FDFT1: variants seen among roughly 807,000 people sequenced by gnomAD.
FDFT1 encodes farnesyl-diphosphate farnesyltransferase 1.
Under a neutral mutation model 46.8 loss-of-function variants are expected in FDFT1, and 68 were observed. The observed-to-expected ratio is 1.45, with a 90% CI of 1.19 to 1.78. The LOEUF (loss-of-function observed/expected upper bound fraction) is 1.78, where lower values mean the gene tolerates loss of function less well. Among genes scored for constraint, FDFT1 ranks in the 40% most tolerant of loss-of-function variants. The pLI, the probability that FDFT1 is intolerant of heterozygous loss-of-function variation, is 0.00. For synonymous variants in FDFT1, 351 were observed against 185.1 expected, an observed-to-expected ratio of 1.90 and a Z score of -7.28; for missense variants, 928 against 524.4, an observed-to-expected ratio of 1.77 and a Z score of -7.52.
chr8:11,825,702 A>G (rs989344690), intron 4 of FDFT1, among the ~76,000 whole-genome samples: 2 of 151,930 alleles, frequency 1.3e-5, no homozygotes, highest in East Asian at 3.8e-4. Flanking sequence ...AAAAATAAAA[A>G]ATAAAAATAA....
chr8:11,809,863 A>G lies in FDFT1; in HGVS notation c.381+13A>G, dbSNP rs754826172. ...GGACTTCCCAACGGTGAGTGGGGTTACGCATCTTGTCTACGGACTGTTGTG... is the reference window on the plus strand; with the variant it reads ...GGACTTCCCAACGGTGAGTGGGGTTGCGCATCTTGTCTACGGACTGTTGTG... On this transcript the variant is annotated intron_variant, in intron 3 of 7. Transcript: ENST00000220584. 7.5e-6 allele frequency: 12 copies of G among 1,603,242 alleles called. No homozygotes were observed. Among genetic ancestry groups the G allele is most frequent in the Admixed American group, 1.7e-5 (1 of 59,520 alleles).
chr8:11,827,754 C>G (rs1054482266), intron 5 of FDFT1, among the ~76,000 whole-genome samples: 4 of 152,068 alleles, frequency 2.6e-5, no homozygotes, highest in Non-Finnish European at 5.9e-5. Flanking sequence ...ATTTAAACTA[C>G]TCTGGGGGCT....
Position 11,826,021 on chromosome 8 carries a change from C to A in FDFT1, c.511-3C>A. The A allele has an allele frequency of 6.5e-7, 1 of 1,548,220 alleles. No homozygotes were observed. The highest frequency in any genetic ancestry group is 8.8e-7 in the Non-Finnish European group (1 of 1,135,680). On this transcript the variant is annotated splice_region_variant and splice_polypyrimidine_tract_variant and intron_variant, in intron 4 of 7. Transcript: ENST00000220584. The stretch of plus-strand genomic sequence containing the variant: ...AAAGTGCTTTAAAAATCGTCTCTTA[C>A]AGTACTGCCACTATGTTGCTGGGCT...
chr8:11,803,168 T>C (rs1806358275), intron 1 of FDFT1: 2 of 1,415,200 alleles, frequency 1.4e-6, no homozygotes, highest in East Asian at 2.8e-5. Context: ...GACTTTTGCG[T>C]GGTTCCCGGT....
In FDFT1 at chr8:11,802,795, G is replaced by A. The variant is rs1044122185; in HGVS notation, c.-38G>A. The A allele has an allele frequency of 2.0e-6, 3 of 1,530,622 alleles. No homozygotes were observed. The highest frequency in any genetic ancestry group is 1.8e-5 in the Admixed American group (1 of 55,394). 94.8% of individuals were successfully genotyped at this position (1,530,622 alleles called of 1,614,324 possible). A position where few individuals can be genotyped will look rare whatever the true frequency, so the allele number is the denominator to read the frequency against. On this transcript the variant is annotated 5_prime_UTR_variant, in exon 1 of 8. In the 5' UTR this introduces an upstream ATG that the reference lacks. Transcript: ENST00000220584. ...CGGTGAGCGCCTGGGGACCGCAGAG[G>A]TGAGAGTCGCGCCCGGGAGTCCGCC...
At chr8:11,832,375 C>G (rs1398171425) in intron 7 of FDFT1, among the ~76,000 whole-genome samples, 2 of 151,380 alleles carry the variant, frequency 1.3e-5, no homozygotes, top group Admixed American at 6.6e-5. Context: ...GGCGACATAG[C>G]AAGACCCCAT....
upstream of FDFT1, among the ~76,000 whole-genome samples, chr8:11,800,829 T>G (rs944328610): frequency 8.5e-5 from 13 of 152,376 alleles, no homozygotes; most frequent in Non-Finnish European, 1.3e-4. Context: ...ACCTCTACTT[T>G]ACTTTTTATA....
At chr8:11,824,277 C>G (rs1292616177) in intron 4 of FDFT1, among the ~76,000 whole-genome samples, 1 of 151,988 alleles carries the variant, frequency 6.6e-6, no homozygotes, top group African/African-American at 2.4e-5. Context: ...CTTAGGATAC[C>G]CTTTTCAGAG....
rs376922389 is a variant in FDFT1 at position 11,823,711 on chromosome 8, A to C, written c.510+1833A>C. On this transcript the variant is annotated intron_variant, in intron 4 of 7. Transcript: ENST00000220584. The stretch of plus-strand genomic sequence containing the variant: ...CAGCCTCCTGAGTAACTGGGACCAC[A>C]GGCACGTTGCCACCATGCCTGGCTA... Among the ~76,000 whole-genome samples, 456 of 152,154 alleles carry C rather than the reference A, an allele frequency of 3.0e-3. 3 individuals are homozygous for C. Among genetic ancestry groups the C allele is most frequent in the African/African-American group, 0.01 (426 of 41,482 alleles).
chr8:11,799,726 T>A (rs376375736), upstream of FDFT1, among the ~76,000 whole-genome samples: 5 of 150,812 alleles, frequency 3.3e-5, no homozygotes, highest in East Asian at 9.9e-4. Context: ...GGCGGGCGGA[T>A]CACGAGGTCA....
At chr8:11,821,345 C>T (rs1336814434) in intron 3 of FDFT1, among the ~76,000 whole-genome samples, 4 of 152,196 alleles carry the variant, frequency 2.6e-5, no homozygotes, top group African/African-American at 9.7e-5. Context: ...GTAATCCCAG[C>T]AGTTTGGGAG....
At position 11,838,601 on chromosome 8, in the gene FDFT1, G is replaced by T; in HGVS notation, c.1246G>T (p.Glu416Ter). 1.2e-6 allele frequency: 2 copies of T among 1,613,356 alleles called. No individual in the cohort carries two copies. The highest frequency in any genetic ancestry group is 1.7e-6 in the Non-Finnish European group (2 of 1,179,274). ...AACAGAAGACTATGTTCAGACTGGAGAACACTGATCCCAAATTTGTCCATA... is the reference window on the plus strand; with the variant it reads ...AACAGAAGACTATGTTCAGACTGGATAACACTGATCCCAAATTTGTCCATA... ...QVTEDYVQTG[E>*]H Residue 416 changes from glutamate (E) to a stop codon, truncating the protein, a stop_gained, in exon 8 of 8, where the codon GAA becomes TAA. Transcript: ENST00000220584. LOFTEE classifies it high-confidence loss of function.
intron 1 of FDFT1, among the ~76,000 whole-genome samples, chr8:11,796,847 G>C (rs575315327): frequency 1.8e-4 from 27 of 152,380 alleles, no homozygotes; most frequent in Middle Eastern, 3.4e-3. Flanking sequence ...GGGTGAGCCA[G>C]TGGTAAGGTG....
At chr8:11,804,950 C>T (rs1428148966) in intron 1 of FDFT1, among the ~76,000 whole-genome samples, 1 of 133,354 alleles carries the variant, frequency 7.5e-6, no homozygotes, top group Non-Finnish European at 1.6e-5. Flanking sequence ...ACTCCATCGT[C>T]CAGGCTAGAA....
At chr8:11,819,558 T>C (rs1808934990) in intron 3 of FDFT1, among the ~76,000 whole-genome samples, 1 of 152,174 alleles carries the variant, frequency 6.6e-6, no homozygotes, top group Non-Finnish European at 1.5e-5. Flanking sequence ...CATTCTTTTT[T>C]CTCTAATCTT....
In FDFT1 at chr8:11,838,756, T is replaced by C. The variant is rs1468313980; in HGVS notation, c.*147T>C. 4.5e-5 allele frequency: 31 copies of C among 687,394 alleles called. No individual in the cohort carries two copies. Among genetic ancestry groups the C allele is most frequent in the Non-Finnish European group, 7.6e-6 (3 of 396,388 alleles). The allele number at this position is 687,394 out of a possible 1,614,324, so 42.6% of individuals were successfully genotyped here. ...GGCTGGGACCTTTAGGAAAGTGAAA[T>C]GCAGGTGAGAAGAACCTAAACATGA... On this transcript the variant is annotated 3_prime_UTR_variant, in exon 8 of 8. Transcript: ENST00000220584.
chr8:11,827,411 G>T (rs1016220835), intron 5 of FDFT1, among the ~76,000 whole-genome samples: 1 of 151,800 alleles, frequency 6.6e-6, no homozygotes. Flanking sequence ...CTAGGTATTC[G>T]GGAGGCTAAG....
At chr8:11,802,487 T>A (rs1806240074), upstream of FDFT1, 1 of 484,938 alleles carries the variant, frequency 2.1e-6, no homozygotes, top group South Asian at 1.5e-5. Flanking sequence ...CCCGGCTCCA[T>A]CAGGGCACCA....
chr8:11,822,649 C>G (rs966594598), intron 4 of FDFT1, among the ~76,000 whole-genome samples: 2 of 151,962 alleles, frequency 1.3e-5, no homozygotes, highest in Non-Finnish European at 2.9e-5. Flanking sequence ...CCCCGTCTTT[C>G]AAAAAATTAA....
Sources: allele counts gnomAD v4.1 joint callset (sites outside exome capture counted in the v4.1 genomes callset), GRCh38; gene constraint gnomAD v4.1.1; transcripts MANE v1.5; gene names NCBI Gene and HGNC (gene_info 2026-07-23, HGNC 2026-07-21).